The following GPR149 variants were observed in gnomAD, a reference collection of about 807,000 sequenced individuals.
GPR149 encodes the protein probable G protein-coupled receptor 149.
GPR149 carries 50 observed loss-of-function variants against 50.2 expected under a neutral mutation model. The observed-to-expected ratio is 1.00, with a 90% CI of 0.79 to 1.26. The LOEUF is 1.26. Among genes scored for constraint, GPR149 ranks in the 50% most tolerant of loss-of-function variants. GPR149 has a pLI of 0.00. For synonymous variants in GPR149, 405 were observed against 358.2 expected, an observed-to-expected ratio of 1.13 and a Z score of -1.48; for missense variants, 983 against 895.4, an observed-to-expected ratio of 1.10 and a Z score of -1.25.
At chr3:154,388,601 C>G (rs1291727218) in intron 3 of GPR149, among the ~76,000 whole-genome samples, 2 of 152,180 alleles carry the variant, frequency 1.3e-5, no homozygotes, top group East Asian at 3.9e-4. Flanking sequence ...AAGCATAGTC[C>G]TTGCCTCCTT....
chr3:154,401,827 G>T (rs576798999), intron 3 of GPR149, among the ~76,000 whole-genome samples: 1 of 152,324 alleles, frequency 6.6e-6, no homozygotes, highest in East Asian at 1.9e-4. Flanking sequence ...CAAAAGATGG[G>T]AAGTTTGATG....
Position 154,414,322 on chromosome 3 carries a change from A to C in GPR149, c.1623+6717T>G, listed in dbSNP as rs573310556. On this transcript the variant is annotated intron_variant, in intron 3 of 3. Coordinates refer to ENST00000389740, the MANE Select transcript of GPR149 (RefSeq NM_001038705.3). ...AAACCTATTGAAATAAAAAAACAAA[A>C]AAATAAATAAAATGTGTTTATGTGC... Among the ~76,000 whole-genome samples, 36 of 152,162 alleles carry C rather than the reference A, an allele frequency of 2.4e-4. No individual in the cohort carries two copies. In the South Asian group the frequency reaches 7.5e-3, roughly 32 times the overall value.
chr3:154,413,775 C>T (rs1711908332), intron 3 of GPR149, among the ~76,000 whole-genome samples: 1 of 151,912 alleles, frequency 6.6e-6, no homozygotes, highest in Non-Finnish European at 1.5e-5. Context: ...AAGTGATATA[C>T]CATTTGATCC....
chr3:154,363,410 G>A (rs984620859), intron 3 of GPR149, among the ~76,000 whole-genome samples: 1 of 152,178 alleles, frequency 6.6e-6, no homozygotes, highest in South Asian at 2.1e-4. Flanking sequence ...CAGCATTAGT[G>A]TTTGGTGAGG....
chr3:154,371,041 A>G (rs1184747891), intron 3 of GPR149, among the ~76,000 whole-genome samples: 4 of 152,228 alleles, frequency 2.6e-5, no homozygotes, highest in African/African-American at 7.2e-5. Context: ...AAGGCAAAGA[A>G]TGCCCATCCA....
intron 3 of GPR149, among the ~76,000 whole-genome samples, chr3:154,374,297 T>C (rs701128): frequency 0.96 from 144,986 of 151,350 alleles, 69,547 homozygotes; most frequent in East Asian, 1. Flanking sequence ...GCCTGAGCCT[T>C]CTGAGTAGCC....
intron 3 of GPR149, among the ~76,000 whole-genome samples, chr3:154,345,341 G>A (rs1370027667): frequency 6.6e-6 from 1 of 152,132 alleles, no homozygotes; most frequent in Non-Finnish European, 1.5e-5. Flanking sequence ...TTGTTTTTAT[G>A]AAAATAAAAT....
chr3:154,379,490 G>C (rs1714868414), intron 3 of GPR149, among the ~76,000 whole-genome samples: 1 of 151,748 alleles, frequency 6.6e-6, no homozygotes, highest in Non-Finnish European at 1.5e-5. Context: ...TTGTGCTTTT[G>C]GTGTCATATC....
At chr3:154,370,385 G>A (rs115400545) in intron 3 of GPR149, among the ~76,000 whole-genome samples, 9,053 of 152,238 alleles carry the variant, frequency 0.059, 360 homozygotes, top group Non-Finnish European at 0.089. Context: ...GGCAGACCTT[G>A]GTGGCTCAGA....
At chr3:154,365,884 C>A (rs111691893) in intron 3 of GPR149, among the ~76,000 whole-genome samples, 1 of 150,778 alleles carries the variant, frequency 6.6e-6, no homozygotes, top group East Asian at 1.9e-4. Flanking sequence ...AACACTGAAG[C>A]TTTTATACTG....
At chr3:154,353,079 T>C in intron 3 of GPR149, 1 of 1,423,952 alleles carries the variant, frequency 7.0e-7, no homozygotes, top group Non-Finnish European at 9.9e-7. Context: ...AATATCCCCA[T>C]GTAAACACTG....
At position 154,421,544 on chromosome 3, in the gene GPR149, G is replaced by GTA. The variant is rs1034451267; in HGVS notation, c.1175-59_1175-58dup. The GTA allele has an allele frequency of 2.2e-5, 18 of 832,836 alleles. No homozygotes were observed. In the East Asian group the frequency reaches 4.0e-4, roughly 18 times the overall value. The allele number at this position is 832,836 out of a possible 1,614,324, so 51.6% of individuals were successfully genotyped here. A position where few individuals can be genotyped will look rare whatever the true frequency, so the allele number is the denominator to read the frequency against. ...TAGTAAGGTAGATAAAGACAACATT[G>GTA]TATATATATAGCAAATAAAAATAGA... On this transcript the variant is annotated intron_variant, in intron 2 of 3. Transcript: ENST00000389740.
chr3:154,377,936 A>G (rs546354943), intron 3 of GPR149, among the ~76,000 whole-genome samples: 1 of 152,286 alleles, frequency 6.6e-6, no homozygotes, highest in African/African-American at 2.4e-5. Flanking sequence ...GGACATTTAT[A>G]TAAAAGAAAT....
At chr3:154,414,300 C>T (rs894789874) in intron 3 of GPR149, among the ~76,000 whole-genome samples, 1 of 151,598 alleles carries the variant, frequency 6.6e-6, no homozygotes, top group Admixed American at 6.6e-5. Context: ...TCCCTAAAAA[C>T]CTATTGAAAT....
intron 3 of GPR149, chr3:154,352,275 T>C: frequency 1.2e-6 from 1 of 851,740 alleles, no homozygotes; most frequent in Non-Finnish European, 1.9e-6. Flanking sequence ...ACCACCTGAC[T>C]GGCCTGACCC....
chr3:154,338,230 C>T lies in GPR149; in HGVS notation c.1665G>A (p.Gln555=). ...TAGGTGCATGGAGAGACACAGTCCC[C>T]TGGAATGCACACAAGGGAATGGCAA... ...YALAIPLCAF[Q]GTVSLHAPTG... is the part of the protein sequence containing the mutation. Residue 555 remains glutamine, a synonymous_variant, in exon 4 of 4, where the codon CAG becomes CAA. Coordinates refer to ENST00000389740, the MANE Select transcript of GPR149 (RefSeq NM_001038705.3). 6.2e-7 allele frequency: 1 copy of T among 1,604,124 alleles called. No homozygotes were observed. Among genetic ancestry groups the T allele is most frequent in the East Asian group, 2.2e-5 (1 of 44,792 alleles).
intron 3 of GPR149, among the ~76,000 whole-genome samples, chr3:154,394,009 T>C (rs1205331391): frequency 6.6e-6 from 1 of 151,938 alleles, no homozygotes; most frequent in Non-Finnish European, 1.5e-5. Flanking sequence ...AGAGACTCAA[T>C]GCAATCCCTA....
chr3:154,374,662 T>G (rs1322530110), intron 3 of GPR149, among the ~76,000 whole-genome samples: 1 of 152,164 alleles, frequency 6.6e-6, no homozygotes, highest in Non-Finnish European at 1.5e-5. Flanking sequence ...CCAAATTTAT[T>G]TGGGTTATAA....
At position 154,359,462 on chromosome 3, in the gene GPR149, C is replaced by CCCACTACTTCCCACTACTTCCCA. The variant is rs561942459; in HGVS notation, c.1624-21192_1624-21191insTGGGAAGTAGTGGGAAGTAGTGG. ...CCAGAGAGGGGCCAGCTTGTCATCA[C>CCCACTACTTCCCACTACTTCCCA]TCACTTCTGCTCCACATCTAGCTTT... On this transcript the variant is annotated intron_variant, in intron 3 of 3. Coordinates refer to ENST00000389740, the MANE Select transcript of GPR149 (RefSeq NM_001038705.3). 1.9e-4 allele frequency among the ~76,000 whole-genome samples: 29 copies of CCCACTACTTCCCACTACTTCCCA among 152,290 alleles called. No individual in the cohort carries two copies. The East Asian group carries it at 5.2e-3, about 27-fold the overall frequency.
Sources: gnomAD v4.1 joint callset for allele counts (sites outside exome capture counted in the v4.1 genomes callset) on GRCh38, gnomAD v4.1.1 for gene constraint, MANE v1.5 for transcripts, NCBI Gene and HGNC (gene_info 2026-07-23, HGNC 2026-07-21) for gene names.